FAM227B: variants seen among roughly 807,000 people sequenced by gnomAD.
The protein encoded by FAM227B is family with sequence similarity 227 member B.
In FAM227B, 88 loss-of-function variants were observed where a neutral mutation model predicts 73.8. The ratio of observed to expected loss-of-function variants is 1.19; its 90% CI spans 1.00 to 1.42. FAM227B has a LOEUF of 1.42. Ranked by LOEUF, FAM227B falls within the 40% of genes most tolerant of loss-of-function variation. FAM227B has a pLI of 0.00. For synonymous variants in FAM227B, 210 were observed against 190.5 expected (o/e 1.10, Z -0.84); for missense variants, 632 against 590.9 (o/e 1.07, Z -0.72).
chr15:49,484,286 CTGTT>C (rs752224865), intron 11 of FAM227B: 116 of 1,515,116 alleles, frequency 7.7e-5, no homozygotes, highest in East Asian at 3.0e-4. Flanking sequence ...TGGATAATGT[CTGTT>C]TGTTTGTTTG....
chr15:49,613,533 A>G (rs1040445655), intron 2 of FAM227B, among the ~76,000 whole-genome samples: 8 of 152,166 alleles, frequency 5.3e-5, no homozygotes, highest in African/African-American at 1.9e-4. Flanking sequence ...ACAGCTAGAG[A>G]GAATGAATAA....
chr15:49,421,969 C>T (rs1432546158), intron 11 of FAM227B, among the ~76,000 whole-genome samples: 3 of 152,184 alleles, frequency 2.0e-5, no homozygotes, highest in African/African-American at 7.2e-5. Context: ...TAACTGGGTA[C>T]ATCTGAACTA....
chr15:49,370,575 G>T (rs73396289), intron 12 of FAM227B, among the ~76,000 whole-genome samples: 1 of 152,074 alleles, frequency 6.6e-6, no homozygotes, highest in Non-Finnish European at 1.5e-5. Context: ...ATTAAATACC[G>T]GGAAAAACAT....
chr15:49,580,400 C>T (rs906631542), intron 5 of FAM227B, among the ~76,000 whole-genome samples: 3 of 152,150 alleles, frequency 2.0e-5, no homozygotes, highest in Middle Eastern at 3.4e-3. Context: ...ATACATGCCC[C>T]GATAAAACCA....
At chr15:49,331,168 T>A (rs2038658251) in intron 15 of FAM227B, 1 of 152,218 alleles carries the variant, frequency 6.6e-6, no homozygotes. Context: ...AGTAAAAGGC[T>A]CTCCTCTATC....
rs1567487539 is a variant in FAM227B, at chr15:49,525,711, T to TATATAC, written c.874+15968_874+15969insGTATAT. Among the ~76,000 whole-genome samples the TATATAC allele has an allele frequency of 5.1e-4, 32 of 63,208 alleles. 2 individuals are homozygous for TATATAC. Among genetic ancestry groups the TATATAC allele is most frequent in the African/African-American group, 1.7e-3 (32 of 19,360 alleles). The allele number at this position is 63,208 out of a possible 152,430, so 41.5% of individuals were successfully genotyped here. ...ATATATATATATATATATATATATA[T>TATATAC]ATATATATCACAAACAGAGCACAAA... On this transcript the variant is annotated intron_variant, in intron 10 of 15. Transcript: ENST00000299338.
chr15:49,357,677 C>T (rs1284809296), intron 13 of FAM227B, among the ~76,000 whole-genome samples: 2 of 151,616 alleles, frequency 1.3e-5, no homozygotes, highest in East Asian at 3.9e-4. Flanking sequence ...GAACTGGTAC[C>T]ATTCCTTCTG....
At chr15:49,542,089 T>A (rs561496889) in intron 9 of FAM227B, among the ~76,000 whole-genome samples, 25 of 152,330 alleles carry the variant, frequency 1.6e-4, no homozygotes, top group Admixed American at 1.2e-3. Flanking sequence ...CTTATGATTT[T>A]AAATTTTAGT....
intron 5 of FAM227B, among the ~76,000 whole-genome samples, chr15:49,586,529 A>T (rs539614996): frequency 6.6e-6 from 1 of 152,292 alleles, no homozygotes; most frequent in African/African-American, 2.4e-5. Flanking sequence ...AAAAGCAAAA[A>T]ATGACAAATA....
intron 4 of FAM227B, among the ~76,000 whole-genome samples, chr15:49,588,554 T>C (rs1331404668): frequency 1.1e-4 from 1 of 9,414 alleles, no homozygotes; most frequent in Admixed American, 1.2e-3. Context: ...GGACTATATA[T>C]ATATATATAT....
intron 3 of FAM227B, among the ~76,000 whole-genome samples, chr15:49,591,029 G>GTTTTTTTTTTTTTTTTTTTTTTT (rs71424023): frequency 2.5e-4 from 26 of 105,586 alleles, no homozygotes; most frequent in Non-Finnish European, 3.0e-4. Context: ...TCTTTTTTTT[G>GTTTTTTTTTTTTTTTTTTTTTTT]TTTTTTTTTT....
intron 10 of FAM227B, among the ~76,000 whole-genome samples, chr15:49,541,235 C>T (rs1238916643): frequency 6.6e-6 from 1 of 152,014 alleles, no homozygotes; most frequent in African/African-American, 2.4e-5. Flanking sequence ...TTCAATCCTA[C>T]CATTTTCACC....
intron 1 of FAM227B, among the ~76,000 whole-genome samples, chr15:49,618,083 T>C (rs1415809385): frequency 6.6e-6 from 1 of 152,192 alleles, no homozygotes; most frequent in Admixed American, 6.5e-5. Flanking sequence ...CAGGGTAATT[T>C]AGCCCATCTC....
At chr15:49,418,320 C>T (rs1311931418) in intron 11 of FAM227B, among the ~76,000 whole-genome samples, 2 of 152,080 alleles carry the variant, frequency 1.3e-5, no homozygotes, top group African/African-American at 4.8e-5. Context: ...GGTATGTACC[C>T]AAAGGAATAT....
intron 10 of FAM227B, 80 bp downstream of exon 10, chr15:49,541,600 G>T: frequency 1.6e-6 from 2 of 1,218,658 alleles, no homozygotes; most frequent in Non-Finnish European, 2.1e-6. Flanking sequence ...CAATATTTTT[G>T]GATGGAATAA....
At chr15:49,336,948 CAT>C (rs1353767694) in intron 13 of FAM227B, among the ~76,000 whole-genome samples, 3 of 152,154 alleles carry the variant, frequency 2.0e-5, no homozygotes, top group African/African-American at 4.8e-5. Context: ...ACAGTTAGAA[CAT>C]GTGGTATTTG....
rs748446070 is a variant in FAM227B, at chr15:49,620,389, T to TA, written c.-73+310dup. On this transcript the variant is annotated intron_variant, in intron 1 of 15. Transcript: ENST00000299338. ...CATTGTGTTTTAAAATCTTAGTTGT[T>TA]AGAGTGCACTTCCGTTTGCGCATTG... Among the ~76,000 whole-genome samples the TA allele has an allele frequency of 5.9e-5, 9 of 152,202 alleles. No homozygotes were observed. The South Asian group carries it at 6.2e-4, about 11-fold the overall frequency.
intron 13 of FAM227B, among the ~76,000 whole-genome samples, chr15:49,364,804 G>C (rs1359608969): frequency 6.6e-6 from 1 of 151,670 alleles, no homozygotes; most frequent in Admixed American, 6.6e-5. Context: ...TCTACCATTA[G>C]AGTTGGAAGA....
chr15:49,502,644 T>C (rs1477353554), intron 11 of FAM227B, among the ~76,000 whole-genome samples: 1 of 152,252 alleles, frequency 6.6e-6, no homozygotes, highest in African/African-American at 2.4e-5. Flanking sequence ...GATGAGACTT[T>C]GGACCTCTGA....
Sources: allele counts gnomAD v4.1 joint callset (sites outside exome capture counted in the v4.1 genomes callset), GRCh38; gene constraint gnomAD v4.1.1; transcripts MANE v1.5; gene names NCBI Gene and HGNC (gene_info 2026-07-23, HGNC 2026-07-21).